Variants in TF observed in about 807,000 individuals in gnomAD.
The protein encoded by TF is transferrin, also known as serotransferrin.
Under a neutral mutation model 82.4 loss-of-function variants are expected in TF, and 55 were observed. The ratio of observed to expected loss-of-function variants is 0.67; its 90% CI spans 0.54 to 0.84. The LOEUF (loss-of-function observed/expected upper bound fraction) is 0.84, where lower values mean the gene tolerates loss of function less well. Ranked by LOEUF, TF falls within the 40% of genes least tolerant of loss-of-function variation. The pLI, the probability that TF is intolerant of heterozygous loss-of-function variation, is 0.00. For synonymous variants in TF, 332 were observed against 332.6 expected, an observed-to-expected ratio of 1.00 and a Z score of 0.02; for missense variants, 737 against 868.4, an observed-to-expected ratio of 0.85 and a Z score of 1.90.
chr3:133,734,073 G>T, the TF span, among the ~76,000 whole-genome samples: 2 of 152,144 alleles, frequency 1.3e-5, no homozygotes, highest in Non-Finnish European at 2.9e-5. Flanking sequence ...CTGCACATAT[G>T]GGGAGGAAGA....
chr3:133,668,532 ATTG>A, the TF span, among the ~76,000 whole-genome samples: 1 of 151,970 alleles, frequency 6.6e-6, no homozygotes, highest in Admixed American at 6.6e-5. Context: ...AGGGAGTTTT[ATTG>A]TTGTTATTCT....
At chr3:133,705,689 T>C in the TF span, among the ~76,000 whole-genome samples, 1 of 152,216 alleles carries the variant, frequency 6.6e-6, no homozygotes, top group African/African-American at 2.4e-5. Flanking sequence ...TGGAGTAATG[T>C]GAGGGTTTAA....
the TF span, among the ~76,000 whole-genome samples, chr3:133,677,801 A>G: frequency 1.3e-5 from 2 of 151,470 alleles, no homozygotes; most frequent in African/African-American, 2.4e-5. Flanking sequence ...CTCCTATCTC[A>G]CCCTCCTCAG....
upstream of TF, chr3:133,746,304 C>A: frequency 9.7e-7 from 1 of 1,025,746 alleles, no homozygotes; most frequent in Non-Finnish European, 1.5e-6. Flanking sequence ...ATTGGGCAAC[C>A]CGGCTGCACA....
At position 133,754,477 on chromosome 3, in the gene TF, C is replaced by T. The variant is rs749241003; in HGVS notation, c.326-18C>T. On this transcript the variant is annotated intron_variant, in intron 3 of 16. Coordinates refer to ENST00000402696, the MANE Select transcript of TF (RefSeq NM_001063.4). ...TGCACCAGGCTGAGGGCCTTCCATTCACACTGTGCCTTTGCAGATCCACAG... is the reference window on the plus strand; with the variant it reads ...TGCACCAGGCTGAGGGCCTTCCATTTACACTGTGCCTTTGCAGATCCACAG... 1.5e-5 allele frequency: 25 copies of T among 1,613,726 alleles called. No individual in the cohort carries two copies. Among genetic ancestry groups the T allele is most frequent in the Non-Finnish European group, 1.6e-5 (19 of 1,179,842 alleles).
intron 14 of TF, chr3:133,773,384 A>G (rs1021288531): frequency 3.3e-5 from 5 of 151,876 alleles, no homozygotes; most frequent in African/African-American, 1.2e-4. Flanking sequence ...GATGGTCTCC[A>G]TCTCTTGGCC....
At chr3:133,757,583 G>A (rs897159026) in intron 7 of TF, among the ~76,000 whole-genome samples, 186 bp from the exon 8 acceptor site, 1 of 152,208 alleles carries the variant, frequency 6.6e-6, no homozygotes, top group Admixed American at 6.5e-5. Flanking sequence ...CAGGCAAATC[G>A]CGGACCCACG....
At chr3:133,669,562 C>T in the TF span, among the ~76,000 whole-genome samples, 1 of 152,070 alleles carries the variant, frequency 6.6e-6, no homozygotes, top group Non-Finnish European at 1.5e-5. Flanking sequence ...TTGTCACATC[C>T]GAGCTTGATC....
At chr3:133,719,828 CTTGA>C in the TF span, among the ~76,000 whole-genome samples, 1 of 152,164 alleles carries the variant, frequency 6.6e-6, no homozygotes, top group South Asian at 2.1e-4. Flanking sequence ...CCTTCACCCT[CTTGA>C]TTAAGTTTAT....
chr3:133,733,865 AAC>A, the TF span, among the ~76,000 whole-genome samples: 1 of 6,436 alleles, frequency 1.6e-4, no homozygotes, highest in Non-Finnish European at 6.5e-4. Context: ...TTCCTTAAAA[AAC>A]AAAAAAAAAA....
the TF span, among the ~76,000 whole-genome samples, chr3:133,732,178 G>T: frequency 1.6e-4 from 25 of 152,200 alleles, no homozygotes; most frequent in African/African-American, 6.0e-4. Context: ...GTGATTTACA[G>T]TAATTACTAA....
At chr3:133,707,144 G>A in the TF span, among the ~76,000 whole-genome samples, 1 of 149,988 alleles carries the variant, frequency 6.7e-6, no homozygotes, top group Non-Finnish European at 1.5e-5. Context: ...TGACTGTGAT[G>A]GAGAAGGTGC....
In TF at chr3:133,787,496, G is replaced by C. The variant is rs1163480954; in HGVS notation, c.*8876G>C. ...AGTGGAAAGTTATATGAAATATCTGGTCTCTCTAGATAGTTAGAAATGCTT... is the reference window on the plus strand; with the variant it reads ...AGTGGAAAGTTATATGAAATATCTGCTCTCTCTAGATAGTTAGAAATGCTT... On this transcript the variant is annotated 3_prime_UTR_variant, in exon 17 of 17. Coordinates refer to ENST00000402696, the MANE Select transcript of TF (RefSeq NM_001063.4). The C allele has an allele frequency of 2.6e-5, 4 of 152,186 alleles. No individual in the cohort carries two copies. Among genetic ancestry groups the C allele is most frequent in the Admixed American group, 6.5e-5 (1 of 15,284 alleles). 9.4% of individuals were successfully genotyped at this position (152,186 alleles called of 1,614,324 possible).
At chr3:133,708,638 G>T in the TF span, among the ~76,000 whole-genome samples, 6 of 151,484 alleles carry the variant, frequency 4.0e-5, no homozygotes, top group African/African-American at 1.5e-4. Context: ...ATATATATAT[G>T]TAAATATGTG....
intron 9 of TF, chr3:133,762,084 G>A (rs182730187): frequency 5.0e-6 from 1 of 199,482 alleles, no homozygotes; most frequent in East Asian, 1.3e-4. Context: ...ATGTCCTAGA[G>A]ATGCTGAAGA....
the TF span, among the ~76,000 whole-genome samples, chr3:133,728,958 G>A: frequency 2.6e-5 from 4 of 152,344 alleles, no homozygotes; most frequent in African/African-American, 9.6e-5. Context: ...AGCGGTGGCT[G>A]CAGAACAGCG....
At chr3:133,712,345 G>A in the TF span, among the ~76,000 whole-genome samples, 5 of 152,054 alleles carry the variant, frequency 3.3e-5, no homozygotes, top group Admixed American at 1.3e-4. Flanking sequence ...TGTGCTCCGG[G>A]TTCTGCGAGC....
the TF span, among the ~76,000 whole-genome samples, chr3:133,677,360 C>G: frequency 2.0e-5 from 3 of 152,172 alleles, no homozygotes; most frequent in African/African-American, 7.2e-5. Flanking sequence ...ATTTATTGGC[C>G]GGGCACGGTG....
chr3:133,725,089 T>A, the TF span, among the ~76,000 whole-genome samples: 3 of 152,250 alleles, frequency 2.0e-5, no homozygotes, highest in African/African-American at 7.2e-5. Context: ...TCAGGTAGCG[T>A]GATGCCTCCA....
Sources: gnomAD v4.1 joint callset for allele counts (sites outside exome capture counted in the v4.1 genomes callset) on GRCh38, gnomAD v4.1.1 for gene constraint, MANE v1.5 for transcripts, NCBI Gene and HGNC (gene_info 2026-07-23, HGNC 2026-07-21) for gene names.